The following GRAMD1B variants were observed in gnomAD, a reference collection of about 807,000 sequenced individuals.
GRAMD1B encodes the protein GRAM domain containing 1B, also known as protein Aster-B.
GRAMD1B carries 37 observed loss-of-function variants against 99.7 expected under a neutral mutation model. That is an observed-to-expected ratio of 0.37 (90% CI 0.29 to 0.49). GRAMD1B has a LOEUF of 0.49. GRAMD1B is among the 20% of genes least tolerant of loss of function. The probability of loss-of-function intolerance (pLI) is 0.98; values close to 1 mark genes in which losing one functional copy is unlikely to be tolerated. For synonymous variants in GRAMD1B, 427 were observed against 387.6 expected (o/e 1.10, Z -1.19); for missense variants, 888 against 1,009.2 (o/e 0.88, Z 1.63).
chr11:123,373,257 G>T (rs1946587131), intron 1 of GRAMD1B, among the ~76,000 whole-genome samples: 1 of 152,182 alleles, frequency 6.6e-6, no homozygotes, highest in Non-Finnish European at 1.5e-5. Context: ...CAGCAGTAAG[G>T]TTTACCTGGT....
At chr11:123,433,276 G>A (rs1948989186) in intron 1 of GRAMD1B, among the ~76,000 whole-genome samples, 1 of 152,134 alleles carries the variant, frequency 6.6e-6, no homozygotes, top group Non-Finnish European at 1.5e-5. Flanking sequence ...TACTCGGGAG[G>A]CCAAGGCGGG....
intron 2 of GRAMD1B, among the ~76,000 whole-genome samples, chr11:123,506,203 A>G (rs1373121512): frequency 1.3e-5 from 2 of 152,184 alleles, no homozygotes; most frequent in Non-Finnish European, 2.9e-5. Flanking sequence ...CAGGGTTTGA[A>G]ACAGCCTCAC....
intron 1 of GRAMD1B, among the ~76,000 whole-genome samples, chr11:123,437,526 C>A (rs1274109641): frequency 1.3e-5 from 2 of 152,170 alleles, no homozygotes; most frequent in African/African-American, 4.8e-5. Flanking sequence ...CTGTTACTAT[C>A]TTTTGTACCA....
chr11:123,413,339 A>T (rs1948117077), intron 1 of GRAMD1B, among the ~76,000 whole-genome samples: 1 of 152,022 alleles, frequency 6.6e-6, no homozygotes, highest in African/African-American at 2.4e-5. Flanking sequence ...CATGGGAGAG[A>T]TTAGGGGCTC....
At chr11:123,398,177 A>G (rs1037102483) in intron 1 of GRAMD1B, among the ~76,000 whole-genome samples, 3 of 152,316 alleles carry the variant, frequency 2.0e-5, no homozygotes, top group Non-Finnish European at 4.4e-5. Context: ...ATCTTAGTTA[A>G]TTTTCTCTTA....
chr11:123,424,263 A>G (rs1948567422), intron 1 of GRAMD1B, among the ~76,000 whole-genome samples: 1 of 151,632 alleles, frequency 6.6e-6, no homozygotes, highest in African/African-American at 2.4e-5. Context: ...CAAAAAAAAA[A>G]AAAAAAAGAA....
At chr11:123,477,061 C>A (rs920174124) in intron 1 of GRAMD1B, among the ~76,000 whole-genome samples, 1 of 152,146 alleles carries the variant, frequency 6.6e-6, no homozygotes, top group African/African-American at 2.4e-5. Context: ...TAAAATGATG[C>A]CTTGCATATA....
chr11:123,525,417 C>T (rs575426597), intron 2 of GRAMD1B, among the ~76,000 whole-genome samples: 10 of 152,198 alleles, frequency 6.6e-5, no homozygotes, highest in African/African-American at 2.2e-4. Flanking sequence ...GTCCAGGTTC[C>T]CCTCCCCCGC....
chr11:123,449,714 C>CTTTTTTTTTTATTTTTTTTTTTTTTTTT (rs1949798295), intron 1 of GRAMD1B, among the ~76,000 whole-genome samples: 1 of 99,988 alleles, frequency 1.0e-5, no homozygotes, highest in Non-Finnish European at 2.1e-5. Context: ...CCATGCCTGG[C>CTTTTTTTTTTATTTTTTTTTTTTTTTTT]TTTTTTTTTT....
In GRAMD1B at chr11:123,625,636, C is replaced by T. The variant is rs1349304266; in HGVS notation, c.*3041C>T. 6.6e-6 allele frequency: 1 copy of T among 152,596 alleles called. No homozygotes were observed. Among genetic ancestry groups the T allele is most frequent in the Non-Finnish European group, 1.5e-5 (1 of 68,408 alleles). 9.5% of individuals were successfully genotyped at this position (152,596 alleles called of 1,614,324 possible). ...TCCTGACTTTTCCATTGACTAAGCT[C>T]TGTGGCCTTGGGCAAGTCACTCCCC... is the stretch of plus-strand genomic sequence containing the variant. On this transcript the variant is annotated 3_prime_UTR_variant, in exon 20 of 20. Transcript: ENST00000635736.
chr11:123,573,072 G>A (rs1005352310), intron 2 of GRAMD1B, among the ~76,000 whole-genome samples: 6 of 150,980 alleles, frequency 4.0e-5, no homozygotes, highest in Non-Finnish European at 8.9e-5. Flanking sequence ...CGATGGCTGG[G>A]GCAGGGGCGC....
At chr11:123,609,644 C>T (rs1592262804) in intron 12 of GRAMD1B, 151 bp from the exon 13 acceptor site, 1 of 588,368 alleles carries the variant, frequency 1.7e-6, no homozygotes, top group East Asian at 2.9e-5. Context: ...CCTCTTCCCA[C>T]CCTCCCCCCG....
At chr11:123,530,534 C>T (rs1326686523) in intron 2 of GRAMD1B, among the ~76,000 whole-genome samples, 2 of 152,154 alleles carry the variant, frequency 1.3e-5, no homozygotes, top group Non-Finnish European at 2.9e-5. Flanking sequence ...GCGCCCGCCA[C>T]CACACCCAGC....
intron 1 of GRAMD1B, among the ~76,000 whole-genome samples, chr11:123,382,381 T>A (rs1400187986): frequency 6.6e-6 from 1 of 152,128 alleles, no homozygotes; most frequent in Non-Finnish European, 1.5e-5. Flanking sequence ...CTTGTTTTTT[T>A]TAGGGGATTT....
chr11:123,455,892 G>A (rs865883045), intron 1 of GRAMD1B, among the ~76,000 whole-genome samples: 12 of 152,148 alleles, frequency 7.9e-5, no homozygotes, highest in Admixed American at 6.6e-5. Context: ...CAACCAGGCC[G>A]GGTGGGGTGG....
intron 1 of GRAMD1B, chr11:123,460,082 T>G (rs1262652594): frequency 6.6e-6 from 1 of 150,964 alleles, no homozygotes; most frequent in Non-Finnish European, 1.5e-5. Flanking sequence ...GTGTGTGTGT[T>G]TCATTAAAAT....
intron 1 of GRAMD1B, among the ~76,000 whole-genome samples, chr11:123,411,819 T>C (rs997715060): frequency 6.6e-6 from 1 of 152,114 alleles, no homozygotes; most frequent in African/African-American, 2.4e-5. Flanking sequence ...GGGTAATTTT[T>C]GTATTTTTTT....
rs139381090 is a variant in GRAMD1B, at chr11:123,609,489, C to A, written c.1658-306C>A. Among the ~76,000 whole-genome samples the A allele has an allele frequency of 4.8e-4, 73 of 152,324 alleles. 1 individual carries two copies. In the South Asian group the frequency reaches 0.013, roughly 27 times the overall value. Reference sequence around the variant, plus strand: ...TTGTTCCCAAGGGACCCTAGGCCCTCGCCACAGTAACACCAGTGTTGCCAG... The same window carrying A: ...TTGTTCCCAAGGGACCCTAGGCCCTAGCCACAGTAACACCAGTGTTGCCAG... On this transcript the variant is annotated intron_variant, in intron 12 of 19. Coordinates refer to ENST00000635736, the MANE Select transcript of GRAMD1B (RefSeq NM_001387025.1).
chr11:123,393,457 G>A (rs888031871), intron 1 of GRAMD1B, among the ~76,000 whole-genome samples: 2 of 152,172 alleles, frequency 1.3e-5, no homozygotes, highest in African/African-American at 4.8e-5. Context: ...GTGCTTAGAT[G>A]GCAACCGTGG....
Sources: gnomAD v4.1 joint callset for allele counts (sites outside exome capture counted in the v4.1 genomes callset) on GRCh38, gnomAD v4.1.1 for gene constraint, MANE v1.5 for transcripts, NCBI Gene and HGNC (gene_info 2026-07-23, HGNC 2026-07-21) for gene names.